CNTN1: variants seen among roughly 807,000 people sequenced by gnomAD.
CNTN1 encodes contactin-1.
Under a neutral mutation model 126.4 loss-of-function variants are expected in CNTN1, and 38 were observed. That is an observed-to-expected ratio of 0.30 (90% confidence interval 0.23 to 0.39). CNTN1 has a LOEUF of 0.39. Among genes scored for constraint, CNTN1 ranks in the 10% least tolerant of loss-of-function variants. The pLI is 1.00. For synonymous variants in CNTN1, 413 were observed against 422.6 expected (o/e 0.98, Z 0.28); for missense variants, 1,009 against 1,248.4 (o/e 0.81, Z 2.89).
chr12:41,011,065 C>T (rs1020230085), intron 17 of CNTN1, among the ~76,000 whole-genome samples: 1 of 152,148 alleles, frequency 6.6e-6, no homozygotes, highest in African/African-American at 2.4e-5. Context: ...AACATCTCTC[C>T]GTGTGTGGTG....
intron 1 of CNTN1, among the ~76,000 whole-genome samples, chr12:40,896,989 A>G (rs1020919364): frequency 6.6e-6 from 1 of 152,256 alleles, no homozygotes; most frequent in African/African-American, 2.4e-5. Context: ...GTTAATACTT[A>G]GGCTTTTAAA....
At chr12:40,811,998 T>A (rs1271104163) in intron 1 of CNTN1, among the ~76,000 whole-genome samples, 1 of 151,340 alleles carries the variant, frequency 6.6e-6, no homozygotes, top group African/African-American at 2.4e-5. Flanking sequence ...TTATGTGAGA[T>A]CTTTCTTTTT....
At chr12:40,906,674 T>G (rs550046524) in intron 1 of CNTN1, among the ~76,000 whole-genome samples, 7 of 133,912 alleles carry the variant, frequency 5.2e-5, no homozygotes, top group East Asian at 2.1e-4. Flanking sequence ...TCATGCTTTT[T>G]TTTTGTTTTG....
chr12:40,713,498 TG>T (rs1290459359), intron 1 of CNTN1, among the ~76,000 whole-genome samples: 1 of 151,630 alleles, frequency 6.6e-6, no homozygotes, highest in Non-Finnish European at 1.5e-5. Context: ...CAGTGATTTC[TG>T]TTTCTTTATG....
chr12:40,975,239 T>C (rs1389733867), intron 15 of CNTN1, among the ~76,000 whole-genome samples: 3 of 146,640 alleles, frequency 2.0e-5, no homozygotes, highest in African/African-American at 7.5e-5. Context: ...AGTGGACTCT[T>C]AAATGTATGT....
rs564483750 is a variant in CNTN1, at chr12:40,765,983, A to G, written c.-77+73391A>G. Among the ~76,000 whole-genome samples the G allele has an allele frequency of 1.9e-4, 29 of 152,304 alleles. No individual in the cohort carries two copies. The South Asian group carries it at 4.4e-3, about 23-fold the overall frequency. Reference sequence around the variant, plus strand: ...GTGGAAGCTGGAGATGCCTATGGTTATTTTAACTGTGGGAAACTAAGAGGA... The same window carrying G: ...GTGGAAGCTGGAGATGCCTATGGTTGTTTTAACTGTGGGAAACTAAGAGGA... On this transcript the variant is annotated intron_variant, in intron 1 of 23. Coordinates refer to ENST00000551295, the MANE Select transcript of CNTN1 (RefSeq NM_001843.4).
chr12:41,013,440 TC>T (rs1948712605), intron 17 of CNTN1, among the ~76,000 whole-genome samples: 1 of 152,112 alleles, frequency 6.6e-6, no homozygotes, highest in African/African-American at 2.4e-5. Flanking sequence ...TACCAAGGAC[TC>T]CCATACCCTT....
At chr12:41,051,744 A>G (rs1358556479) in intron 23 of CNTN1, among the ~76,000 whole-genome samples, 3 of 152,140 alleles carry the variant, frequency 2.0e-5, no homozygotes, top group African/African-American at 7.2e-5. Context: ...TAAATAAAAT[A>G]ATTTAATATT....
intron 1 of CNTN1, among the ~76,000 whole-genome samples, chr12:40,759,659 T>A (rs1938765424): frequency 6.6e-6 from 1 of 151,760 alleles, no homozygotes; most frequent in African/African-American, 2.4e-5. Context: ...TGTAGAGATG[T>A]GGTCTTGCTG....
At chr12:40,935,510 T>C (rs944763432) in intron 9 of CNTN1, among the ~76,000 whole-genome samples, 3 of 152,076 alleles carry the variant, frequency 2.0e-5, no homozygotes, top group Admixed American at 2.0e-4. Flanking sequence ...CACTAGAAGG[T>C]TACATAATTA....
intron 14 of CNTN1, among the ~76,000 whole-genome samples, chr12:40,945,829 C>T (rs532812815): frequency 6.6e-6 from 1 of 152,090 alleles, no homozygotes; most frequent in South Asian, 2.1e-4. Flanking sequence ...TTAGTGCACA[C>T]TCTCCCTTTT....
intron 17 of CNTN1, among the ~76,000 whole-genome samples, chr12:41,002,006 C>A (rs1337138966): frequency 6.6e-6 from 1 of 152,058 alleles, no homozygotes; most frequent in Non-Finnish European, 1.5e-5. Context: ...TGTACCAGTA[C>A]CATGTTTTTT....
intron 1 of CNTN1, among the ~76,000 whole-genome samples, chr12:40,778,570 T>C (rs1412441024): frequency 1.3e-5 from 2 of 151,898 alleles, no homozygotes; most frequent in Non-Finnish European, 2.9e-5. Flanking sequence ...CTGGAGCATA[T>C]TGAGTCTCAT....
In CNTN1 at chr12:40,835,454, A is replaced by C. The variant is rs181352626; in HGVS notation, c.-76-72903A>C. On this transcript the variant is annotated intron_variant, in intron 1 of 23. Coordinates refer to ENST00000551295, the MANE Select transcript of CNTN1 (RefSeq NM_001843.4). ...TCAATTTGCCACATTATAAGCTTAA[A>C]ATTCACATTCTTTTTATTCTTCCAT... 1.3e-4 allele frequency among the ~76,000 whole-genome samples: 20 copies of C among 152,230 alleles called. No individual in the cohort carries two copies. The East Asian group carries it at 3.7e-3, about 28-fold the overall frequency.
chr12:40,952,908 ACTT>A (rs1341273085), intron 14 of CNTN1, among the ~76,000 whole-genome samples: 1 of 152,204 alleles, frequency 6.6e-6, no homozygotes, highest in Non-Finnish European at 1.5e-5. Flanking sequence ...TAAAGGATGC[ACTT>A]CTTTCCAAAC....
chr12:41,054,844 T>C (rs1056987314), intron 23 of CNTN1, among the ~76,000 whole-genome samples: 2 of 152,098 alleles, frequency 1.3e-5, no homozygotes, highest in Non-Finnish European at 2.9e-5. Context: ...AAATATTGTT[T>C]CAATCATTTA....
At chr12:41,026,290 C>T (rs1235046779) in intron 21 of CNTN1, among the ~76,000 whole-genome samples, 5 of 152,104 alleles carry the variant, frequency 3.3e-5, no homozygotes, top group Admixed American at 6.6e-5. Flanking sequence ...GTGCTATTCT[C>T]GCATGGTTTA....
chr12:40,792,216 C>A (rs1940244780), intron 1 of CNTN1, among the ~76,000 whole-genome samples: 1 of 151,888 alleles, frequency 6.6e-6, no homozygotes, highest in Non-Finnish European at 1.5e-5. Context: ...GAAATGGGAC[C>A]CAGCAGCACC....
intron 1 of CNTN1, among the ~76,000 whole-genome samples, chr12:40,694,988 A>G (rs1207879990): frequency 6.6e-6 from 1 of 152,238 alleles, no homozygotes; most frequent in East Asian, 1.9e-4. Flanking sequence ...TTTAAAATTC[A>G]TGGTTCTAAC....
Sources: gnomAD v4.1 joint callset for allele counts (sites outside exome capture counted in the v4.1 genomes callset) on GRCh38, gnomAD v4.1.1 for gene constraint, MANE v1.5 for transcripts, NCBI Gene and HGNC (gene_info 2026-07-23, HGNC 2026-07-21) for gene names.